Variants in TMEM132C observed in about 807,000 individuals in gnomAD.
TMEM132C encodes protein phosphatase 1, regulatory subunit 152.
Under a neutral mutation model 61.4 loss-of-function variants are expected in TMEM132C, and 29 were observed. That is an observed-to-expected ratio of 0.47 (90% CI 0.35 to 0.64). The LOEUF (loss-of-function observed/expected upper bound fraction) is 0.64, where lower values mean the gene tolerates loss of function less well. TMEM132C is among the 30% of genes least tolerant of loss of function. TMEM132C has a pLI of 0.00. For synonymous variants in TMEM132C, 656 were observed against 633.1 expected (o/e 1.04, Z -0.54); for missense variants, 1,408 against 1,476.9 (o/e 0.95, Z 0.76).
chr12:128,658,017 T>A (rs2135617936), intron 4 of TMEM132C, among the ~76,000 whole-genome samples: 1 of 148,116 alleles, frequency 6.8e-6, no homozygotes, highest in Non-Finnish European at 1.5e-5. Context: ...GGGACGCAGC[T>A]CCCATGGAGG....
intron 1 of TMEM132C, among the ~76,000 whole-genome samples, chr12:128,403,727 A>G (rs1565926001): frequency 6.6e-6 from 1 of 152,038 alleles, no homozygotes; most frequent in Non-Finnish European, 1.5e-5. Context: ...ACAAAACAAA[A>G]TCCTCATCTA....
intron 1 of TMEM132C, among the ~76,000 whole-genome samples, chr12:128,382,325 C>T (rs932146806): frequency 6.6e-6 from 1 of 152,120 alleles, no homozygotes; most frequent in African/African-American, 2.4e-5. Flanking sequence ...AATATTATTT[C>T]CTTTGTGATA....
intron 5 of TMEM132C, among the ~76,000 whole-genome samples, chr12:128,682,938 A>C (rs1954647054): frequency 6.6e-6 from 1 of 152,106 alleles, no homozygotes; most frequent in South Asian, 2.1e-4. Context: ...TGGTTTGTAG[A>C]GGCATCACCG....
chr12:128,416,579 G>T (rs1419752427), intron 2 of TMEM132C, among the ~76,000 whole-genome samples: 1 of 152,180 alleles, frequency 6.6e-6, no homozygotes, highest in Non-Finnish European at 1.5e-5. Context: ...AAAAATATTT[G>T]CAAGCTAGAA....
chr12:128,454,091 T>C (rs1304812417), intron 2 of TMEM132C, among the ~76,000 whole-genome samples: 1 of 152,132 alleles, frequency 6.6e-6, no homozygotes, highest in Admixed American at 6.5e-5. Flanking sequence ...CCCATCTAGG[T>C]CCACAAGGAT....
intron 8 of TMEM132C, among the ~76,000 whole-genome samples, chr12:128,704,330 A>C (rs897969676): frequency 6.6e-6 from 1 of 152,172 alleles, no homozygotes; most frequent in Non-Finnish European, 1.5e-5. Context: ...TGAGTCTGCA[A>C]AATAAACTCA....
chr12:128,560,971 T>C (rs1565974708), intron 3 of TMEM132C, among the ~76,000 whole-genome samples: 3 of 152,222 alleles, frequency 2.0e-5, no homozygotes, highest in African/African-American at 4.8e-5. Context: ...ACAGTCTCTA[T>C]GTGCTGAAAG....
Position 128,289,214 on chromosome 12 carries a change from G to A in TMEM132C, c.85+21727G>A, listed in dbSNP as rs144371488. 5.4e-3 allele frequency among the ~76,000 whole-genome samples: 823 copies of A among 152,110 alleles called. 6 individuals carry two copies. The highest frequency in any genetic ancestry group is 0.019 in the African/African-American group (778 of 41,474). On this transcript the variant is annotated intron_variant, in intron 1 of 8. Coordinates refer to ENST00000435159, the MANE Select transcript of TMEM132C (RefSeq NM_001136103.3). ...CATACTCTCACTTGTTCATTAATGC[G>A]CATATGCACCTATACACACCCTCTC...
chr12:128,327,615 C>A (rs895627943), intron 1 of TMEM132C, among the ~76,000 whole-genome samples: 5 of 152,084 alleles, frequency 3.3e-5, no homozygotes, highest in Non-Finnish European at 7.3e-5. Flanking sequence ...GATCTCCTGA[C>A]CTCGTGATCT....
At chr12:128,298,423 T>TG (rs1871482853) in intron 1 of TMEM132C, among the ~76,000 whole-genome samples, 2 of 152,304 alleles carry the variant, frequency 1.3e-5, no homozygotes, top group South Asian at 4.2e-4. Flanking sequence ...TTTTAACTTT[T>TG]TTTTTTAAAT....
chr12:128,294,182 ATCTTCCTCT>A (rs2135911703), intron 1 of TMEM132C: 1 of 154,804 alleles, frequency 6.5e-6, no homozygotes, highest in Admixed American at 6.5e-5. Context: ...CTAGCTCAGC[ATCTTCCTCT>A]GTGAACCGCC....
At chr12:128,693,148 C>T (rs1235746817) in intron 5 of TMEM132C, among the ~76,000 whole-genome samples, 3 of 152,086 alleles carry the variant, frequency 2.0e-5, no homozygotes, top group South Asian at 2.1e-4. Flanking sequence ...GCCTGGGGAC[C>T]GTGAAGAACC....
intron 2 of TMEM132C, among the ~76,000 whole-genome samples, chr12:128,459,975 T>C (rs1341533881): frequency 6.6e-6 from 1 of 151,740 alleles, no homozygotes; most frequent in Non-Finnish European, 1.5e-5. Context: ...CAGCAAGTGT[T>C]GAAATAAGGC....
chr12:128,306,367 A>T (rs1399360747), intron 1 of TMEM132C, among the ~76,000 whole-genome samples: 1 of 151,852 alleles, frequency 6.6e-6, no homozygotes, highest in Non-Finnish European at 1.5e-5. Flanking sequence ...ACGCCTGGCT[A>T]ATTTTTTGTA....
chr12:128,300,171 G>A (rs999103520), intron 1 of TMEM132C, among the ~76,000 whole-genome samples: 1 of 152,156 alleles, frequency 6.6e-6, no homozygotes, highest in Non-Finnish European at 1.5e-5. Context: ...TTGTTCCCTG[G>A]GATTGGGCTT....
At chr12:128,299,433 C>T (rs941992952) in intron 1 of TMEM132C, among the ~76,000 whole-genome samples, 4 of 152,072 alleles carry the variant, frequency 2.6e-5, no homozygotes, top group African/African-American at 7.2e-5. Flanking sequence ...GCAATGTACA[C>T]GGAATTCACC....
intron 1 of TMEM132C, among the ~76,000 whole-genome samples, chr12:128,346,997 T>C (rs762731565): frequency 9.2e-5 from 14 of 152,164 alleles, no homozygotes; most frequent in Non-Finnish European, 1.6e-4. Flanking sequence ...TCTTTAGTGG[T>C]GATTTCTGAG....
intron 2 of TMEM132C, among the ~76,000 whole-genome samples, chr12:128,496,053 G>C (rs1400301160): frequency 6.6e-6 from 1 of 151,848 alleles, no homozygotes; most frequent in East Asian, 1.9e-4. Context: ...CTCAGCATTT[G>C]CTTGTCTGTA....
intron 1 of TMEM132C, among the ~76,000 whole-genome samples, chr12:128,370,228 A>G (rs1873989562): frequency 6.6e-6 from 1 of 151,114 alleles, no homozygotes. Flanking sequence ...TTCCTGCAGT[A>G]AGAATCTGGT....
Sources: gnomAD v4.1 joint callset for allele counts (sites outside exome capture counted in the v4.1 genomes callset) on GRCh38, gnomAD v4.1.1 for gene constraint, MANE v1.5 for transcripts, NCBI Gene and HGNC (gene_info 2026-07-23, HGNC 2026-07-21) for gene names.